MFSD2A: variants seen among roughly 807,000 people sequenced by gnomAD.
MFSD2A encodes the protein sodium-dependent lysophosphatidylcholine symporter 1.
MFSD2A carries 27 observed loss-of-function variants against 64.7 expected under a neutral mutation model. The observed-to-expected ratio is 0.42, with a 90% confidence interval of 0.31 to 0.58. The LOEUF is 0.58. MFSD2A is among the 20% of genes least tolerant of loss of function. MFSD2A has a pLI of 0.18. For synonymous variants in MFSD2A, 258 were observed against 273.4 expected, an observed-to-expected ratio of 0.94 and a Z score of 0.55; for missense variants, 474 against 679.5, an observed-to-expected ratio of 0.70 and a Z score of 3.36.
At position 39,968,571 on chromosome 1, in the gene MFSD2A, T is replaced by A; in HGVS notation, c.1355T>A (p.Phe452Tyr). The change falls in exon 13 of 14, where the codon TTT becomes TAT. Residue 452 changes from phenylalanine (F) to tyrosine (Y), a missense_variant and splice_region_variant. Phe to Tyr is a conservative substitution (Grantham distance 22, BLOSUM62 3). Coordinates refer to ENST00000372811, the MANE Select transcript of MFSD2A (RefSeq NM_032793.5). The surrounding 1 kb of genome is among the most constrained non-coding windows in gnomAD (Gnocchi z 4.4). ...CTCCTACCCCCTGGGTCCCATAGCT[T>A]TGCAGGGTACCAGACCCGTGGCTGC... ...SLGISTLSLD[F>Y]AGYQTRGCSQ... 1 of 1,614,108 alleles carries A rather than the reference T, an allele frequency of 6.2e-7. No homozygotes were observed. The highest frequency in any genetic ancestry group is 1.3e-5 in the African/African-American group (1 of 75,016).
In MFSD2A at chr1:39,968,068, C is replaced by T; in HGVS notation, c.1208+152C>T. The T allele has an allele frequency of 3.1e-6, 2 of 640,884 alleles. No individual in the cohort carries two copies. Among genetic ancestry groups the T allele is most frequent in the South Asian group, 2.0e-5 (1 of 50,998 alleles). 39.7% of individuals were successfully genotyped at this position (640,884 alleles called of 1,614,324 possible). A position where few individuals can be genotyped will look rare whatever the true frequency, so the allele number is the denominator to read the frequency against. Reference sequence around the variant, plus strand: ...GGGAGGTCTGTCCTGTACAGTTGTACAGGTAGTGAGCTTTGCAAGAACACC... The same window carrying T: ...GGGAGGTCTGTCCTGTACAGTTGTATAGGTAGTGAGCTTTGCAAGAACACC... On this transcript the variant is annotated intron_variant, in intron 11 of 13. Transcript: ENST00000372811. The surrounding 1 kb of genome is among the most constrained non-coding windows in gnomAD (Gnocchi z 4.4).
chr1:39,967,058 T>G, intron 8 of MFSD2A, 28 bp from the exon 9 acceptor site: 1 of 1,613,322 alleles, frequency 6.2e-7, no homozygotes, highest in Non-Finnish European at 8.5e-7. Context: ...TTCCTTGCAT[T>G]TCCTTCCCTA....
Position 39,965,280 on chromosome 1 carries a change from C to A in MFSD2A, c.423C>A (p.His141Gln). Reference protein sequence around the residue: ...FLIWFVPDFPHGQTYWYLLFY... With the variant: ...FLIWFVPDFPQGQTYWYLLFY... Reference sequence around the variant, plus strand: ...TCTGGTTCGTGCCCGACTTCCCACACGGCCAGACCTATTGGTACCTGCTTT... The same window carrying A: ...TCTGGTTCGTGCCCGACTTCCCACAAGGCCAGACCTATTGGTACCTGCTTT... Residue 141 changes from histidine (H) to glutamine (Q), a missense_variant, in exon 4 of 14, where the codon CAC becomes CAA. His to Gln is a conservative substitution (Grantham distance 24). Transcript: ENST00000372811. This position sits in a 1 kb window ranked among gnomAD's most constrained non-coding sequence, Gnocchi z 5.5. The A allele has an allele frequency of 6.2e-7, 1 of 1,614,150 alleles. No homozygotes were observed. The highest frequency in any genetic ancestry group is 8.5e-7 in the Non-Finnish European group (1 of 1,180,010).
intron 7 of MFSD2A, 40 bp downstream of exon 7, chr1:39,966,731 G>C (rs1217894762): frequency 1.2e-6 from 2 of 1,613,264 alleles, no homozygotes; most frequent in African/African-American, 1.3e-5. Flanking sequence ...CCTCAGCATG[G>C]ACAGCTGTAT....
Position 39,958,725 on chromosome 1 carries a change from A to C in MFSD2A, c.253A>C (p.Ile85Leu). 1 of 1,613,974 alleles carries C rather than the reference A, an allele frequency of 6.2e-7. No individual in the cohort carries two copies. Among genetic ancestry groups the C allele is most frequent in the East Asian group, 2.2e-5 (1 of 44,874 alleles). ...GGTGGGCCCTTTCTCTGCCTCCATC[A>C]TCCTGTTTGTGGGCCGAGCCTGGGA... Reference protein sequence around the residue: ...AQVGPFSASIILFVGRAWDAI... With the variant: ...AQVGPFSASILLFVGRAWDAI... The change falls in exon 3 of 14, where the codon ATC becomes CTC. Residue 85 changes from isoleucine (I) to leucine (L), a missense_variant. Physicochemically the swap from Ile to Leu is conservative, Grantham distance 5. Transcript: ENST00000372811. This position sits in a 1 kb window ranked among gnomAD's most constrained non-coding sequence, Gnocchi z 4.7.
intron 8 of MFSD2A, 52 bp from the exon 9 acceptor site, chr1:39,967,034 C>G: frequency 6.2e-7 from 1 of 1,610,998 alleles, no homozygotes; most frequent in Admixed American, 1.7e-5. Flanking sequence ...AGGCTCAGCC[C>G]CAACATCACC....
At position 39,968,267 on chromosome 1, in the gene MFSD2A, C is replaced by A; in HGVS notation, c.1209-67C>A. Reference sequence around the variant, plus strand: ...GGTACTGCAAGCTTCCAGAGGGCCACCTCTTCTCATTAACACAGAGGCCCG... The same window carrying A: ...GGTACTGCAAGCTTCCAGAGGGCCAACTCTTCTCATTAACACAGAGGCCCG... On this transcript the variant is annotated intron_variant, in intron 11 of 13. Coordinates refer to ENST00000372811, the MANE Select transcript of MFSD2A (RefSeq NM_032793.5). The surrounding 1 kb of genome is among the most constrained non-coding windows in gnomAD (Gnocchi z 4.4). 6.2e-7 allele frequency: 1 copy of A among 1,604,828 alleles called. No homozygotes were observed. The highest frequency in any genetic ancestry group is 8.5e-7 in the Non-Finnish European group (1 of 1,173,454).
chr1:39,966,742 C>T (rs555718428), intron 7 of MFSD2A, 51 bp downstream of exon 7: 1 of 1,613,282 alleles, frequency 6.2e-7, no homozygotes, highest in African/African-American at 1.3e-5. Context: ...ACAGCTGTAT[C>T]TTTCTGCCTG....
chr1:39,964,055 G>A lies in MFSD2A; in HGVS notation c.354-1156G>A, dbSNP rs75398025. On this transcript the variant is annotated intron_variant, in intron 3 of 13. Coordinates refer to ENST00000372811, the MANE Select transcript of MFSD2A (RefSeq NM_032793.5). This position sits in a 1 kb window ranked among gnomAD's most constrained non-coding sequence, Gnocchi z 4.1. ...CTAGCCTAAGTACATTCACTTTGTC[G>A]CCACCATCACCACCATCCATCCATT... 8.5e-3 allele frequency among the ~76,000 whole-genome samples: 1,301 copies of A among 152,216 alleles called. 8 individuals are homozygous for A. Among genetic ancestry groups the A allele is most frequent in the Non-Finnish European group, 0.014 (945 of 68,002 alleles).
chr1:39,965,509 C>T lies in MFSD2A; in HGVS notation c.516C>T (p.Ile172=). 6.2e-7 allele frequency: 1 copy of T among 1,614,136 alleles called. No individual in the cohort carries two copies. The highest frequency in any genetic ancestry group is 8.5e-7 in the Non-Finnish European group (1 of 1,180,028). The change falls in exon 5 of 14, where the codon ATC becomes ATT. Residue 172 remains isoleucine (I), a synonymous_variant. Transcript: ENST00000372811. The surrounding 1 kb of genome is among the most constrained non-coding windows in gnomAD (Gnocchi z 5.5). ...HVPYSALTMF[I]STEQTERDSA... is the part of the protein sequence containing the mutation. ...CCTACTCGGCTCTCACCATGTTCATCAGCACCGAGCAGACTGAGCGGGATT... is the reference window on the plus strand; with the variant it reads ...CCTACTCGGCTCTCACCATGTTCATTAGCACCGAGCAGACTGAGCGGGATT...
At position 39,958,574 on chromosome 1, in the gene MFSD2A, T is replaced by C; in HGVS notation, c.229-127T>C. On this transcript the variant is annotated intron_variant, in intron 2 of 13. Transcript: ENST00000372811. The surrounding 1 kb of genome is among the most constrained non-coding windows in gnomAD (Gnocchi z 4.7). ...GGCAAGTGAAGATGTGTAAGGTCCA[T>C]GTGGGAGCAGCTCAGGGTCACAAGA... 7.7e-6 allele frequency: 11 copies of C among 1,434,354 alleles called. No homozygotes were observed. The highest frequency in any genetic ancestry group is 1.7e-5 in the Admixed American group (1 of 58,610). 88.9% of individuals were successfully genotyped at this position (1,434,354 alleles called of 1,614,324 possible).
chr1:39,967,696 A>T lies in MFSD2A; in HGVS notation c.1080A>T (p.Val360=). The T allele has an allele frequency of 6.2e-7, 1 of 1,614,106 alleles. No homozygotes were observed. The highest frequency in any genetic ancestry group is 8.5e-7 in the Non-Finnish European group (1 of 1,179,996). ...CCCGGTTTGGCAAGAAGACAGCTGT[A>T]TATGTTGGGATCTCAGTGAGTGGGG... ...FLTRFGKKTA[V]YVGISSAVPF... The change falls in exon 10 of 14, where the codon GTA becomes GTT. Residue 360 remains valine (V), a synonymous_variant. Coordinates refer to ENST00000372811, the MANE Select transcript of MFSD2A (RefSeq NM_032793.5).
chr1:39,967,224 G>T, intron 9 of MFSD2A, 55 bp downstream of exon 9: 1 of 1,491,228 alleles, frequency 6.7e-7, no homozygotes, highest in South Asian at 1.1e-5. Flanking sequence ...CATAGGCTGT[G>T]GAATGGTTCT....
At chr1:39,956,176 G>C (rs1410223469) in intron 1 of MFSD2A, among the ~76,000 whole-genome samples, 1 of 152,200 alleles carries the variant, frequency 6.6e-6, no homozygotes, top group Non-Finnish European at 1.5e-5. Context: ...CCTGAACCTG[G>C]AGGCCTTTCC....
chr1:39,956,355 CG>C (rs1644928478), intron 1 of MFSD2A, among the ~76,000 whole-genome samples: 1 of 152,198 alleles, frequency 6.6e-6, no homozygotes, highest in Non-Finnish European at 1.5e-5. Context: ...GCCGGGCCCC[CG>C]TAGCTCTCTA....
intron 9 of MFSD2A, 64 bp from the exon 10 acceptor site, chr1:39,967,564 G>C (rs1645190875): frequency 6.7e-7 from 1 of 1,484,460 alleles, no homozygotes; most frequent in African/African-American, 1.4e-5. Context: ...GGGGTTCTGG[G>C]AAGGGCAGGA....
chr1:39,955,415 G>A lies in MFSD2A; in HGVS notation c.93+30G>A. The stretch of plus-strand genomic sequence containing the variant: ...GGGCCCGGCACCCCGCGTGGAGGGC[G>A]AGGGGAGGGAGGAGGCGGAAATGGG... On this transcript the variant is annotated intron_variant, in intron 1 of 13. Transcript: ENST00000372811. The surrounding 1 kb of genome is among the most constrained non-coding windows in gnomAD (Gnocchi z 5.9). The A allele has an allele frequency of 6.7e-7, 1 of 1,502,262 alleles. No homozygotes were observed. Among genetic ancestry groups the A allele is most frequent in the Non-Finnish European group, 8.9e-7 (1 of 1,123,966 alleles). The allele number at this position is 1,502,262 out of a possible 1,614,324, so 93.1% of individuals were successfully genotyped here.
chr1:39,956,489 G>C (rs1039514663), intron 1 of MFSD2A, among the ~76,000 whole-genome samples: 2 of 152,310 alleles, frequency 1.3e-5, no homozygotes, highest in African/African-American at 4.8e-5. Flanking sequence ...TGCCGGGTGG[G>C]GACAGGTCGG....
At chr1:39,967,021 G>C in intron 8 of MFSD2A, 65 bp from the exon 9 acceptor site, 1 of 1,610,686 alleles carries the variant, frequency 6.2e-7, no homozygotes. Flanking sequence ...GGATGTCTTG[G>C]GGAGGCTCAG....
Sources: gnomAD v4.1 joint callset for allele counts (sites outside exome capture counted in the v4.1 genomes callset) on GRCh38, gnomAD v4.1.1 for gene constraint, Gnocchi (gnomAD v3.1) non-coding constraint, MANE v1.5 for transcripts, NCBI Gene and HGNC (gene_info 2026-07-23, HGNC 2026-07-21) for gene names.